The following TSHZ3 variants were observed in gnomAD, a reference collection of about 807,000 sequenced individuals.
The protein encoded by TSHZ3 is teashirt homolog 3.
TSHZ3 carries 10 observed loss-of-function variants against 64.5 expected under a neutral mutation model. The ratio of observed to expected loss-of-function variants is 0.16; its 90% CI spans 0.10 to 0.26. The LOEUF (loss-of-function observed/expected upper bound fraction) is 0.26, where lower values mean the gene tolerates loss of function less well. Among genes scored for constraint, TSHZ3 ranks in the 10% least tolerant of loss-of-function variants. The probability of loss-of-function intolerance (pLI) is 1.00; values close to 1 mark genes in which losing one functional copy is unlikely to be tolerated. For synonymous variants in TSHZ3, 608 were observed against 593.1 expected (o/e 1.03, Z -0.36); for missense variants, 1,242 against 1,421.7 (o/e 0.87, Z 2.03).
intron 1 of TSHZ3, among the ~76,000 whole-genome samples, chr19:31,268,102 A>T (rs1421244503): frequency 1.3e-5 from 2 of 152,016 alleles, no homozygotes; most frequent in Non-Finnish European, 2.9e-5. Flanking sequence ...ATGGTTTTAT[A>T]AATGGGAGTT....
rs376635280 is a variant in TSHZ3 at position 31,277,493 on chromosome 19, G to A, written c.2300C>T (p.Pro767Leu). ...GTCTGCCTTCTTGGACTGCAGGGGCGGCGGGGTGGCCACAGCAGCCTTCTC... is the reference window on the plus strand; with the variant it reads ...GTCTGCCTTCTTGGACTGCAGGGGCAGCGGGGTGGCCACAGCAGCCTTCTC... ...LAEKAAVATP[P>L]PLQSKKADHL... The change falls in exon 2 of 2, where the codon CCG becomes CTG. Residue 767 changes from proline (P) to leucine (L), a missense_variant. Transcript: ENST00000240587. The surrounding 1 kb of genome is among the most constrained non-coding windows in gnomAD (Gnocchi z 4.5). The A allele has an allele frequency of 3.5e-5, 56 of 1,609,460 alleles. No individual in the cohort carries two copies. The Admixed American group carries it at 4.4e-4, about 13-fold the overall frequency.
intron 4 of TSHZ3, among the ~76,000 whole-genome samples, chr19:31,224,992 A>G (rs370105045): frequency 6.6e-6 from 1 of 152,160 alleles, no homozygotes; most frequent in African/African-American, 2.4e-5. Context: ...AGCACCCAAG[A>G]GCAGCTTCTG....
At chr19:31,267,274 G>C (rs1312505120) in intron 1 of TSHZ3, among the ~76,000 whole-genome samples, 1 of 152,140 alleles carries the variant, frequency 6.6e-6, no homozygotes, top group Non-Finnish European at 1.5e-5. Context: ...GCTCACCCTT[G>C]CCTGAGAATT....
chr19:31,323,177 G>A (rs993990920), intron 1 of TSHZ3, among the ~76,000 whole-genome samples: 34 of 152,300 alleles, frequency 2.2e-4, no homozygotes, highest in African/African-American at 7.9e-4. Context: ...AGGAGTGGAA[G>A]TCCATACAGC....
At chr19:31,189,585 C>A (rs1322619478) in intron 5 of TSHZ3, among the ~76,000 whole-genome samples, 1 of 150,298 alleles carries the variant, frequency 6.7e-6, no homozygotes, top group Non-Finnish European at 1.5e-5. Flanking sequence ...ATTTTAATTT[C>A]ATATTGTCAG....
chr19:31,242,411 C>G (rs1318399072), exon 3 of TSHZ3, among the ~76,000 whole-genome samples: 1 of 152,140 alleles, frequency 6.6e-6, no homozygotes, highest in Non-Finnish European at 1.5e-5. Context: ...AGGCCAAAGG[C>G]CTGAAAACCT....
chr19:31,292,851 A>C (rs1259571304), intron 1 of TSHZ3, among the ~76,000 whole-genome samples: 1 of 148,132 alleles, frequency 6.8e-6, no homozygotes, highest in African/African-American at 2.5e-5. Context: ...TCATCTGTTC[A>C]TCTCATTCTT....
intron 4 of TSHZ3, among the ~76,000 whole-genome samples, chr19:31,216,763 T>C (rs1442880942): frequency 6.6e-6 from 1 of 152,114 alleles, no homozygotes; most frequent in Admixed American, 6.5e-5. Flanking sequence ...CTCTCCCGAG[T>C]AGCTGGGACC....
At chr19:31,327,982 C>T (rs1184783193) in intron 1 of TSHZ3, among the ~76,000 whole-genome samples, 6 of 152,256 alleles carry the variant, frequency 3.9e-5, no homozygotes, top group African/African-American at 1.4e-4. Context: ...CAACATCATT[C>T]TAGAGCCTTT....
chr19:31,322,252 C>T (rs1391032338), intron 1 of TSHZ3, among the ~76,000 whole-genome samples: 2 of 152,136 alleles, frequency 1.3e-5, no homozygotes, highest in Non-Finnish European at 2.9e-5. Flanking sequence ...TTTCGTGCCT[C>T]GGCCTCCCAA....
At chr19:31,331,721 C>A (rs1484525820) in intron 1 of TSHZ3, among the ~76,000 whole-genome samples, 1 of 152,210 alleles carries the variant, frequency 6.6e-6, no homozygotes, top group Non-Finnish European at 1.5e-5. Flanking sequence ...TCACCACCTG[C>A]CACCTACTGT....
At position 31,279,330 on chromosome 19, in the gene TSHZ3, T is replaced by C; in HGVS notation, c.463A>G (p.Ser155Gly). 1.2e-6 allele frequency: 2 copies of C among 1,613,740 alleles called. No homozygotes were observed. The highest frequency in any genetic ancestry group is 8.5e-7 in the Non-Finnish European group (1 of 1,179,828). Residue 155 changes from serine (S) to glycine (G), a missense_variant, in exon 2 of 2, where the codon AGC becomes GGC. Around this residue, in one of 4 missense-constraint regions of TSHZ3, gnomAD observed 555 missense variants for 704.0 expected, o/e 0.79. Transcript: ENST00000240587. This position sits in a 1 kb window ranked among gnomAD's most constrained non-coding sequence, Gnocchi z 6.4. ...KNNGSSSSSSSSSSSCGSGSF... is the reference protein window; with the variant it reads ...KNNGSSSSSSGSSSSCGSGSF... ...CCGCTGCCACAGCTGCTGCTGCTGC[T>C]ACTGCTGCTGCTGCTGCTGCCGTTG...
intron 1 of TSHZ3, among the ~76,000 whole-genome samples, chr19:31,348,130 G>A (rs1487217211): frequency 3.3e-4 from 50 of 152,336 alleles, no homozygotes; most frequent in Non-Finnish European, 1.9e-4. Flanking sequence ...TCCATATGTG[G>A]TCCTCTCGGC....
At chr19:31,168,972 G>A (rs986104735) in intron 5 of TSHZ3, among the ~76,000 whole-genome samples, 15 of 152,100 alleles carry the variant, frequency 9.9e-5, no homozygotes, top group African/African-American at 1.9e-4. Context: ...GTGAACATGC[G>A]AAGAAGACAT....
At chr19:31,271,395 G>C (rs1322891991), downstream of TSHZ3, among the ~76,000 whole-genome samples, 2 of 152,104 alleles carry the variant, frequency 1.3e-5, no homozygotes, top group Non-Finnish European at 2.9e-5. Context: ...AAACTCCCTG[G>C]AAACAAAACC....
intron 1 of TSHZ3, among the ~76,000 whole-genome samples, chr19:31,344,549 G>C (rs992257371): frequency 6.6e-6 from 1 of 152,228 alleles, no homozygotes; most frequent in African/African-American, 2.4e-5. Context: ...GTGTGCACCA[G>C]GACCGGGCAC....
In TSHZ3 at chr19:31,349,252, C is replaced by T. The variant is rs751221282; in HGVS notation, c.-33G>A. The T allele has an allele frequency of 1.2e-4, 188 of 1,528,240 alleles. No homozygotes were observed. Among genetic ancestry groups the T allele is most frequent in the Non-Finnish European group, 1.5e-4 (174 of 1,140,428 alleles). The allele number at this position is 1,528,240 out of a possible 1,614,324, so 94.7% of individuals were successfully genotyped here. ...CTCCGGCGACTGCCACTGCCGCCGC[C>T]GCCGCCGCTGCCGGGCTGAGGACAG... On this transcript the variant is annotated 5_prime_UTR_variant, in exon 1 of 2. Transcript: ENST00000240587.
At chr19:31,193,617 C>T (rs1428516778) in intron 5 of TSHZ3, among the ~76,000 whole-genome samples, 1 of 152,142 alleles carries the variant, frequency 6.6e-6, no homozygotes, top group East Asian at 1.9e-4. Flanking sequence ...GTGCCTCACT[C>T]TTCTCATAGG....
chr19:31,294,459 A>G (rs1976628888), intron 1 of TSHZ3, among the ~76,000 whole-genome samples: 1 of 152,018 alleles, frequency 6.6e-6, no homozygotes, highest in Admixed American at 6.6e-5. Context: ...CTCAACAAGC[A>G]CTCACTCAGT....
Sources: allele counts gnomAD v4.1 joint callset (sites outside exome capture counted in the v4.1 genomes callset), GRCh38; gene constraint gnomAD v4.1.1; regional missense constraint gnomAD v4.1.1; non-coding constraint Gnocchi (gnomAD v3.1); transcripts MANE v1.5; gene names NCBI Gene and HGNC (gene_info 2026-07-23, HGNC 2026-07-21).